Variants in HHAT observed in about 807,000 individuals in gnomAD.
The protein encoded by HHAT is hedgehog acyltransferase, also known as protein-cysteine N-palmitoyltransferase HHAT.
HHAT carries 47 observed loss-of-function variants against 70.8 expected under a neutral mutation model. The observed-to-expected ratio is 0.66, with a 90% CI of 0.53 to 0.85. HHAT has a LOEUF of 0.85. Ranked by LOEUF, HHAT falls within the 40% of genes least tolerant of loss-of-function variation. The pLI, the probability that HHAT is intolerant of heterozygous loss-of-function variation, is 0.00. For missense variants in HHAT, 609 were observed against 604.8 expected, an observed-to-expected ratio of 1.01 and a Z score of -0.07; for synonymous variants, 228 against 247.6, an observed-to-expected ratio of 0.92 and a Z score of 0.74.
intron 11 of HHAT, among the ~76,000 whole-genome samples, chr1:210,635,948 T>C (rs1443920943): frequency 6.6e-6 from 1 of 152,128 alleles, no homozygotes; most frequent in Non-Finnish European, 1.5e-5. Flanking sequence ...TTATAGAAAG[T>C]GTTTGTTCTC....
At chr1:210,374,368 G>A (rs1037678597) in intron 3 of HHAT, 11 of 152,214 alleles carry the variant, frequency 7.2e-5, no homozygotes, top group African/African-American at 2.7e-4. Context: ...CCTACAGTTT[G>A]CACAAAAAGA....
intron 3 of HHAT, among the ~76,000 whole-genome samples, chr1:210,374,894 G>C (rs1232393432): frequency 6.6e-6 from 1 of 151,806 alleles, no homozygotes; most frequent in Non-Finnish European, 1.5e-5. Flanking sequence ...CAGGTACTGA[G>C]CACAGTACCC....
At chr1:210,530,191 G>T (rs6540603) in intron 9 of HHAT, among the ~76,000 whole-genome samples, 2 of 152,186 alleles carry the variant, frequency 1.3e-5, no homozygotes, top group Non-Finnish European at 1.5e-5. Context: ...TTGAGTAAAT[G>T]ACTCAAAACC....
intron 9 of HHAT, among the ~76,000 whole-genome samples, chr1:210,535,069 G>T (rs1463637880): frequency 6.6e-6 from 1 of 152,132 alleles, no homozygotes; most frequent in Non-Finnish European, 1.5e-5. Context: ...TCTGCTTTTT[G>T]TAGAATTGTT....
chr1:210,571,982 C>A (rs1050597390), intron 9 of HHAT, among the ~76,000 whole-genome samples: 1 of 152,184 alleles, frequency 6.6e-6, no homozygotes, highest in Admixed American at 6.5e-5. Context: ...CATCATCATT[C>A]CCGCAGCCCT....
At chr1:210,511,240 A>G (rs1428514611) in intron 8 of HHAT, among the ~76,000 whole-genome samples, 1 of 152,118 alleles carries the variant, frequency 6.6e-6, no homozygotes, top group Non-Finnish European at 1.5e-5. Context: ...TCCTTAGAGA[A>G]GAGCTCTGTG....
intron 10 of HHAT, among the ~76,000 whole-genome samples, chr1:210,598,279 G>T (rs1172624278): frequency 6.6e-6 from 1 of 151,892 alleles, no homozygotes. Flanking sequence ...GGAGCTGTGA[G>T]CTATGCTGCC....
chr1:210,475,858 T>C (rs1401569005), intron 8 of HHAT, among the ~76,000 whole-genome samples: 1 of 147,140 alleles, frequency 6.8e-6, no homozygotes, highest in Non-Finnish European at 1.5e-5. Flanking sequence ...AAATTCATTG[T>C]TTTAGTTAAA....
At chr1:210,656,409 C>T (rs200289017) in intron 11 of HHAT, among the ~76,000 whole-genome samples, 2 of 152,248 alleles carry the variant, frequency 1.3e-5, no homozygotes, top group South Asian at 2.1e-4. Context: ...ACACATACCC[C>T]CCCCGTCCCC....
intron 11 of HHAT, among the ~76,000 whole-genome samples, chr1:210,657,669 T>C (rs1240287532): frequency 1.3e-5 from 2 of 152,222 alleles, no homozygotes; most frequent in African/African-American, 4.8e-5. Flanking sequence ...ACCTTTGAGA[T>C]GTTCACGTAG....
At position 210,613,306 on chromosome 1, in the gene HHAT, C is replaced by T. The variant is rs376331550; in HGVS notation, c.1246-10220C>T. On this transcript the variant is annotated intron_variant, in intron 10 of 11. Coordinates refer to ENST00000261458, the MANE Select transcript of HHAT (RefSeq NM_018194.6). ...TGTGTATGGTATAAGGGTCCAGTTTCGTTCTTTTGCATGTGTATATCCAGG... is the reference window on the plus strand; with the variant it reads ...TGTGTATGGTATAAGGGTCCAGTTTTGTTCTTTTGCATGTGTATATCCAGG... 6.6e-5 allele frequency among the ~76,000 whole-genome samples: 10 copies of T among 152,216 alleles called. No individual in the cohort carries two copies. In the South Asian group the frequency reaches 8.3e-4, roughly 13 times the overall value.
intron 1 of HHAT, among the ~76,000 whole-genome samples, chr1:210,332,858 T>A (rs2085114518): frequency 6.6e-6 from 1 of 152,248 alleles, no homozygotes; most frequent in African/African-American, 2.4e-5. Flanking sequence ...TGCTTTTTGT[T>A]GGCAATCTTA....
chr1:210,606,323 A>G (rs545766634), intron 10 of HHAT, among the ~76,000 whole-genome samples: 11 of 152,264 alleles, frequency 7.2e-5, no homozygotes, highest in African/African-American at 2.4e-4. Flanking sequence ...CAAACTGTTT[A>G]ATATAAGTAC....
intron 7 of HHAT, among the ~76,000 whole-genome samples, chr1:210,425,341 C>A (rs967495407): frequency 2.6e-5 from 4 of 151,930 alleles, no homozygotes; most frequent in African/African-American, 9.7e-5. Context: ...TGCAGAAGCT[C>A]TTTAATTAGA....
intron 9 of HHAT, among the ~76,000 whole-genome samples, chr1:210,520,518 T>TAAGAGA (rs200062251): frequency 0.065 from 9,924 of 152,120 alleles, 880 homozygotes; most frequent in East Asian, 0.32. Flanking sequence ...TTCTCATTTG[T>TAAGAGA]GTATCTGCTG....
chr1:210,507,352 CTTTTTTCTTTTTTTTTTTTTT>C (rs2094875350), intron 8 of HHAT, among the ~76,000 whole-genome samples: 1 of 138,350 alleles, frequency 7.2e-6, no homozygotes, highest in Non-Finnish European at 1.6e-5. Flanking sequence ...AAACATTTTT[CTTTTTTCTTTTTTTTTTTTTT>C]TTTTTGAGAC....
intron 7 of HHAT, among the ~76,000 whole-genome samples, chr1:210,445,972 C>A (rs920335663): frequency 2.6e-5 from 4 of 152,054 alleles, no homozygotes; most frequent in African/African-American, 9.7e-5. Flanking sequence ...TGTGCTGCAT[C>A]CATTAACTCA....
intron 3 of HHAT, among the ~76,000 whole-genome samples, chr1:210,370,958 C>T (rs1292364854): frequency 6.6e-6 from 1 of 152,132 alleles, no homozygotes; most frequent in Non-Finnish European, 1.5e-5. Context: ...AATTCCTATT[C>T]CTGTTCTCAC....
intron 8 of HHAT, among the ~76,000 whole-genome samples, chr1:210,503,254 A>G (rs1442316142): frequency 2.0e-5 from 3 of 152,066 alleles, no homozygotes; most frequent in Admixed American, 2.0e-4. Flanking sequence ...GCCACTATGT[A>G]TTCAATATTT....
Sources: allele counts gnomAD v4.1 joint callset (sites outside exome capture counted in the v4.1 genomes callset), GRCh38; gene constraint gnomAD v4.1.1; transcripts MANE v1.5; gene names NCBI Gene and HGNC (gene_info 2026-07-23, HGNC 2026-07-21).